The following ANGPTL2 variants were observed in gnomAD, a reference collection of about 807,000 sequenced individuals.
The protein encoded by ANGPTL2 is angiopoietin-related protein 2.
ANGPTL2 carries 25 observed loss-of-function variants against 52.8 expected under a neutral mutation model. The observed-to-expected ratio is 0.47, with a 90% CI of 0.35 to 0.66. The LOEUF (loss-of-function observed/expected upper bound fraction) is 0.66. ANGPTL2 is among the 30% of genes least tolerant of loss of function. The pLI, the probability that ANGPTL2 is intolerant of heterozygous loss-of-function variation, is 0.01. For synonymous variants in ANGPTL2, 276 were observed against 277.4 expected (o/e 1.00, Z 0.05); for missense variants, 546 against 656.9 (o/e 0.83, Z 1.84).
chr9:127,092,268 C>T (rs1033639692), intron 3 of ANGPTL2, among the ~76,000 whole-genome samples: 4 of 152,174 alleles, frequency 2.6e-5, no homozygotes, highest in African/African-American at 2.4e-5. Context: ...TAAGTAGGCA[C>T]GCAGCAGGCA....
In ANGPTL2 at chr9:127,088,831, C is replaced by T; in HGVS notation, c.*108G>A. The T allele has an allele frequency of 1.5e-6, 2 of 1,315,110 alleles. No individual in the cohort carries two copies. The highest frequency in any genetic ancestry group is 1.1e-6 in the Non-Finnish European group (1 of 926,900). 81.5% of individuals were successfully genotyped at this position (1,315,110 alleles called of 1,614,324 possible). Reference sequence around the variant, plus strand: ...GAAAACAGAATCCAGCATCCCGGTCCTCCCAGCCTCAGGATGAACTGGTGA... The same window carrying T: ...GAAAACAGAATCCAGCATCCCGGTCTTCCCAGCCTCAGGATGAACTGGTGA... On this transcript the variant is annotated 3_prime_UTR_variant, in exon 5 of 5. Coordinates refer to ENST00000373425, the MANE Select transcript of ANGPTL2 (RefSeq NM_012098.3).
At chr9:127,090,769 C>T (rs565088915) in intron 4 of ANGPTL2, among the ~76,000 whole-genome samples, 2 of 152,310 alleles carry the variant, frequency 1.3e-5, no homozygotes, top group Admixed American at 6.5e-5. Context: ...GAGGCAGCAT[C>T]GGCCGTCAGG....
At chr9:127,092,102 A>G (rs966259223) in intron 3 of ANGPTL2, among the ~76,000 whole-genome samples, 162 bp from the exon 4 acceptor site, 4 of 152,068 alleles carry the variant, frequency 2.6e-5, no homozygotes, top group African/African-American at 9.7e-5. Context: ...TCTCTCCATG[A>G]CTCACACATT....
chr9:127,095,398 G>A (rs763220791), intron 2 of ANGPTL2, among the ~76,000 whole-genome samples: 9 of 152,152 alleles, frequency 5.9e-5, no homozygotes, highest in Non-Finnish European at 7.3e-5. Context: ...ACAAGACTCC[G>A]TCTCAAAAAA....
At chr9:127,092,103 C>T (rs2052555975) in intron 3 of ANGPTL2, among the ~76,000 whole-genome samples, 163 bp from the exon 4 acceptor site, 1 of 152,182 alleles carries the variant, frequency 6.6e-6, no homozygotes, top group Non-Finnish European at 1.5e-5. Context: ...CTCTCCATGA[C>T]TCACACATTA....
intron 1 of ANGPTL2, among the ~76,000 whole-genome samples, chr9:127,118,727 C>G (rs909570031): frequency 6.6e-6 from 1 of 152,242 alleles, no homozygotes; most frequent in Non-Finnish European, 1.5e-5. Flanking sequence ...CCCAGTCCTG[C>G]TGGGCTGTGG....
chr9:127,111,603 G>T (rs918949833), intron 1 of ANGPTL2, among the ~76,000 whole-genome samples: 1 of 152,236 alleles, frequency 6.6e-6, no homozygotes, highest in Non-Finnish European at 1.5e-5. Context: ...GGGCCTATGT[G>T]TGTATTTATT....
At chr9:127,092,089 T>G in intron 3 of ANGPTL2, 149 bp from the exon 4 acceptor site, 7 of 945,500 alleles carry the variant, frequency 7.4e-6, no homozygotes, top group Non-Finnish European at 1.1e-5. Flanking sequence ...CTCCACCTCT[T>G]AATCTCTCCA....
rs191656291 is a variant in ANGPTL2, at chr9:127,091,588, C to T, written c.1282+82G>A. On this transcript the variant is annotated intron_variant, in intron 4 of 4. Transcript: ENST00000373425. The surrounding 1 kb of genome is among the most constrained non-coding windows in gnomAD (Gnocchi z 4.3). Reference sequence around the variant, plus strand: ...TTCTCACCCTGGGATCTTCCCGTTTCCAAGCCCTGGAGTCAGGGGCTCTGG... The same window carrying T: ...TTCTCACCCTGGGATCTTCCCGTTTTCAAGCCCTGGAGTCAGGGGCTCTGG... 14,672 of 1,530,188 alleles carry T rather than the reference C, an allele frequency of 9.6e-3. 101 individuals are homozygous for T. Among genetic ancestry groups the T allele is most frequent in the Non-Finnish European group, 0.012 (13,248 of 1,138,444 alleles). The allele number at this position is 1,530,188 out of a possible 1,614,324, so 94.8% of individuals were successfully genotyped here. A position where few individuals can be genotyped will look rare whatever the true frequency, so the allele number is the denominator to read the frequency against.
chr9:127,095,365 T>A (rs150920038), intron 2 of ANGPTL2, among the ~76,000 whole-genome samples: 1 of 152,266 alleles, frequency 6.6e-6, no homozygotes, highest in East Asian at 1.9e-4. Context: ...CCCACTGCAC[T>A]CCAGCCTGAG....
chr9:127,088,853 G>A lies in ANGPTL2; in HGVS notation c.*86C>T, dbSNP rs2052087352. ...GTCCTCCCAGCCTCAGGATGAACTG[G>A]TGAGGAGTTGTTCTTTGTGCTGTGG... On this transcript the variant is annotated 3_prime_UTR_variant, in exon 5 of 5. Coordinates refer to ENST00000373425, the MANE Select transcript of ANGPTL2 (RefSeq NM_012098.3). 3.4e-6 allele frequency: 5 copies of A among 1,490,846 alleles called. No individual in the cohort carries two copies. The highest frequency in any genetic ancestry group is 1.4e-5 in the African/African-American group (1 of 72,346). The allele number at this position is 1,490,846 out of a possible 1,614,324, so 92.4% of individuals were successfully genotyped here. A position where few individuals can be genotyped will look rare whatever the true frequency, so the allele number is the denominator to read the frequency against.
chr9:127,105,735 T>A (rs1341689261), intron 2 of ANGPTL2, among the ~76,000 whole-genome samples: 1 of 152,212 alleles, frequency 6.6e-6, no homozygotes, highest in African/African-American at 2.4e-5. Flanking sequence ...GATGTGCTGA[T>A]GTTAGGGACT....
intron 1 of ANGPTL2, among the ~76,000 whole-genome samples, chr9:127,113,659 A>T (rs1311241289): frequency 2.0e-5 from 3 of 152,172 alleles, no homozygotes; most frequent in Non-Finnish European, 4.4e-5. Context: ...GATTCTTAAA[A>T]TTGCTTTTCC....
At chr9:127,120,814 C>T (rs1274165553) in intron 1 of ANGPTL2, among the ~76,000 whole-genome samples, 4 of 149,670 alleles carry the variant, frequency 2.7e-5, no homozygotes, top group African/African-American at 4.9e-5. Flanking sequence ...GGTGACAGAG[C>T]GAGACTCCAT....
At chr9:127,118,932 C>G (rs1396044319) in intron 1 of ANGPTL2, among the ~76,000 whole-genome samples, 17 of 152,194 alleles carry the variant, frequency 1.1e-4, no homozygotes, top group Admixed American at 1.1e-3. Flanking sequence ...TCGTGTGTGG[C>G]CCAGTGTGGG....
chr9:127,103,206 G>A (rs893947705), intron 2 of ANGPTL2, among the ~76,000 whole-genome samples: 8 of 152,250 alleles, frequency 5.3e-5, no homozygotes, highest in African/African-American at 1.7e-4. Context: ...CCACAATCGT[G>A]TACGTATTTC....
chr9:127,106,004 C>G (rs1306490689), intron 2 of ANGPTL2, among the ~76,000 whole-genome samples: 1 of 152,228 alleles, frequency 6.6e-6, no homozygotes, highest in Non-Finnish European at 1.5e-5. Flanking sequence ...AAAATTGAGG[C>G]TCAGAAGAGT....
chr9:127,095,024 C>A (rs533627943), intron 2 of ANGPTL2, among the ~76,000 whole-genome samples: 1 of 152,212 alleles, frequency 6.6e-6, no homozygotes, highest in African/African-American at 2.4e-5. Context: ...TCTGAGGAAG[C>A]TTTAGAAGGT....
In ANGPTL2 at chr9:127,108,063, C is replaced by A. The variant is rs762828081; in HGVS notation, c.669G>T (p.Arg223=). The change falls in exon 2 of 5, where the codon CGG becomes CGT. Residue 223 remains arginine, a synonymous_variant. Coordinates refer to ENST00000373425, the MANE Select transcript of ANGPTL2 (RefSeq NM_012098.3). ...VPQPPPAAPP[R]VYQPPTYNRI... is the part of the protein sequence containing the mutation. ...GGTTGTAGGTGGGTGGTTGGTAGACCCGGGGCGGGGCAGCGGGGGGTGGCT... is the reference window on the plus strand; with the variant it reads ...GGTTGTAGGTGGGTGGTTGGTAGACACGGGGCGGGGCAGCGGGGGGTGGCT... 3 of 1,610,878 alleles carry A rather than the reference C, an allele frequency of 1.9e-6. No individual in the cohort carries two copies.
Sources: allele counts gnomAD v4.1 joint callset (sites outside exome capture counted in the v4.1 genomes callset), GRCh38; gene constraint gnomAD v4.1.1; non-coding constraint Gnocchi (gnomAD v3.1); transcripts MANE v1.5; gene names NCBI Gene and HGNC (gene_info 2026-07-23, HGNC 2026-07-21).